Variants in OXNAD1 observed in about 807,000 individuals in gnomAD.
The protein encoded by OXNAD1 is oxidoreductase NAD binding domain containing 1.
In OXNAD1, 34 loss-of-function variants were observed where a neutral mutation model predicts 32.9. The observed-to-expected ratio is 1.03, with a 90% confidence interval of 0.79 to 1.38. The LOEUF (loss-of-function observed/expected upper bound fraction) is 1.38, where lower values mean the gene tolerates loss of function less well. OXNAD1 is among the 40% of genes most tolerant of loss of function. OXNAD1 has a pLI of 0.00. For missense variants in OXNAD1, 407 were observed against 379.4 expected, an observed-to-expected ratio of 1.07 and a Z score of -0.60; for synonymous variants, 134 against 135.2, an observed-to-expected ratio of 0.99 and a Z score of 0.06.
At chr3:16,310,921 T>TG (rs1353980541), downstream of OXNAD1, among the ~76,000 whole-genome samples, 1 of 133,684 alleles carries the variant, frequency 7.5e-6, no homozygotes, top group African/African-American at 2.9e-5. Flanking sequence ...ACCTGGGAGG[T>TG]GGAGGTTGTG....
In OXNAD1 at chr3:16,277,740, G is replaced by GA. The variant is rs531586825; in HGVS notation, c.183+6021dup. On this transcript the variant is annotated intron_variant, in intron 4 of 8. Coordinates refer to ENST00000285083, the MANE Select transcript of OXNAD1 (RefSeq NM_138381.5). The surrounding 1 kb of genome is among the most constrained non-coding windows in gnomAD (Gnocchi z 4.3). Reference sequence around the variant, plus strand: ...TGGTTTTGGGCATGTATTTCCTCTGGAAAGTTTACTGAATGACCATTTATG... The same window carrying GA: ...TGGTTTTGGGCATGTATTTCCTCTGGAAAAGTTTACTGAATGACCATTTATG... Among the ~76,000 whole-genome samples, 16 of 152,310 alleles carry GA rather than the reference G, an allele frequency of 1.1e-4. No individual in the cohort carries two copies. The South Asian group carries it at 3.1e-3, about 30-fold the overall frequency.
At chr3:16,340,908 C>A (rs1411668798), downstream of OXNAD1, among the ~76,000 whole-genome samples, 1 of 152,176 alleles carries the variant, frequency 6.6e-6, no homozygotes, top group Non-Finnish European at 1.5e-5. Context: ...AAAGCCATAT[C>A]TGATAAAGGA....
Position 16,312,288 on chromosome 3 carries a change from C to G in OXNAD1, c.*30+8696C>G, listed in dbSNP as rs778330199. Reference sequence around the variant, plus strand: ...GAGCCAGGTACAGGAAACCCAGCCTCTCCTGGGAAGCTGCATCAGTGGTTT... The same window carrying G: ...GAGCCAGGTACAGGAAACCCAGCCTGTCCTGGGAAGCTGCATCAGTGGTTT... On this transcript the variant is annotated intron_variant, in intron 9 of 9. Coordinates refer to the OXNAD1 transcript ENST00000435829. This position sits in a 1 kb window ranked among gnomAD's most constrained non-coding sequence, Gnocchi z 4.7. Among the ~76,000 whole-genome samples the G allele has an allele frequency of 2.6e-5, 4 of 152,216 alleles. No individual in the cohort carries two copies. Among genetic ancestry groups the G allele is most frequent in the Non-Finnish European group, 5.9e-5 (4 of 68,046 alleles).
chr3:16,301,304 C>T lies in OXNAD1; in HGVS notation c.433-322C>T, dbSNP rs2067163948. Among the ~76,000 whole-genome samples, 1 of 152,180 alleles carries T rather than the reference C, an allele frequency of 6.6e-6. No homozygotes were observed. Among genetic ancestry groups the T allele is most frequent in the Non-Finnish European group, 1.5e-5 (1 of 68,036 alleles). ...GGAGACCCATACTTCAGAGCTGTAC[C>T]CTGCCTTTGAGTCCATTGCCTCTTT... On this transcript the variant is annotated intron_variant, in intron 6 of 8. Transcript: ENST00000285083. This position sits in a 1 kb window ranked among gnomAD's most constrained non-coding sequence, Gnocchi z 4.1.
chr3:16,338,349 C>T (rs1311433322), downstream of OXNAD1, among the ~76,000 whole-genome samples: 1 of 152,212 alleles, frequency 6.6e-6, no homozygotes, highest in Non-Finnish European at 1.5e-5. This position sits in a 1 kb window ranked among gnomAD's most constrained non-coding sequence, Gnocchi z 5.3. Context: ...GGCTAAGGGG[C>T]GATGGCTGGG....
intron 9 of OXNAD1, among the ~76,000 whole-genome samples, chr3:16,343,533 G>GTC (rs1223156784): frequency 6.6e-6 from 1 of 152,170 alleles, no homozygotes; most frequent in East Asian, 1.9e-4. Context: ...GTACCCTAGA[G>GTC]TCTGCTGATG....
intron 9 of OXNAD1, chr3:16,326,643 GGA>G (rs2069723950): frequency 5.9e-6 from 4 of 679,572 alleles, no homozygotes; most frequent in South Asian, 1.9e-5. Flanking sequence ...CTTCCCAGTG[GGA>G]GAGTTTACAT....
chr3:16,266,693 GAGT>G (rs2064540321), intron 1 of OXNAD1, among the ~76,000 whole-genome samples: 1 of 151,882 alleles, frequency 6.6e-6, no homozygotes, highest in African/African-American at 2.4e-5. Context: ...AGGCCAGAAG[GAGT>G]TGTTTATTGG....
chr3:16,268,989 AG>A, intron 1 of OXNAD1, 136 bp from the exon 2 acceptor site: 2 of 566,738 alleles, frequency 3.5e-6, no homozygotes, highest in South Asian at 5.8e-5. Context: ...ATGGATGGAG[AG>A]GGGGTAATTG....
At chr3:16,323,468 C>G (rs372312509) in intron 9 of OXNAD1, 7 of 1,606,050 alleles carry the variant, frequency 4.4e-6, no homozygotes, top group Admixed American at 3.3e-5. Flanking sequence ...CTGTAACACA[C>G]GGAGCTGAGA....
rs769881694 is a variant in OXNAD1 at position 16,316,956 on chromosome 3, G to A, written c.*30+13364G>A. The A allele has an allele frequency of 5.0e-6, 8 of 1,613,842 alleles. No homozygotes were observed. The highest frequency in any genetic ancestry group is 1.3e-5 in the African/African-American group (1 of 74,840). Reference sequence around the variant, plus strand: ...CTGCTGTGGCTGGCAGGACCATTCTGCACAGCCTCACCCTCCACACCCACC... The same window carrying A: ...CTGCTGTGGCTGGCAGGACCATTCTACACAGCCTCACCCTCCACACCCACC... On this transcript the variant is annotated intron_variant, in intron 9 of 9. Coordinates refer to the OXNAD1 transcript ENST00000435829. This position sits in a 1 kb window ranked among gnomAD's most constrained non-coding sequence, Gnocchi z 4.5.
chr3:16,293,994 G>C lies in OXNAD1; in HGVS notation c.291-862G>C, dbSNP rs562142688. On this transcript the variant is annotated intron_variant, in intron 5 of 8. Coordinates refer to ENST00000285083, the MANE Select transcript of OXNAD1 (RefSeq NM_138381.5). ...GATGTTAAACCAACCTTGTATTCCT[G>C]GAATTTTTGTACCTAAATTCAGAAG... 1.4e-4 allele frequency among the ~76,000 whole-genome samples: 21 copies of C among 152,086 alleles called. No homozygotes were observed. In the East Asian group the frequency reaches 4.1e-3, roughly 29 times the overall value.
At chr3:16,267,721 T>C (rs2064632275) in intron 1 of OXNAD1, among the ~76,000 whole-genome samples, 1 of 152,242 alleles carries the variant, frequency 6.6e-6, no homozygotes, top group African/African-American at 2.4e-5. Flanking sequence ...GTTATTTGTT[T>C]ACTACTATCT....
In OXNAD1 at chr3:16,345,815, TGTGCGCGCGCGCGTGCGC is replaced by T. The variant is rs1353639834; in HGVS notation, c.*31-3359_*31-3342del. Among the ~76,000 whole-genome samples, 16 of 82,394 alleles carry T rather than the reference TGTGCGCGCGCGCGTGCGC, an allele frequency of 1.9e-4. No homozygotes were observed. The highest frequency in any genetic ancestry group is 3.2e-4 in the Non-Finnish European group (14 of 43,140). The allele number at this position is 82,394 out of a possible 152,430, so 54.1% of individuals were successfully genotyped here. A position where few individuals can be genotyped will look rare whatever the true frequency, so the allele number is the denominator to read the frequency against. The stretch of plus-strand genomic sequence containing the variant: ...GTGTGTGTGTGTGTGTGTGTGTGTG[TGTGCGCGCGCGCGTGCGC>T]GCACGCGCACATGTGCATGTGTATG... On this transcript the variant is annotated intron_variant, in intron 9 of 9. Transcript: ENST00000606098. This position sits in a 1 kb window ranked among gnomAD's most constrained non-coding sequence, Gnocchi z 5.2.
chr3:16,311,042 G>A (rs188841727), downstream of OXNAD1, among the ~76,000 whole-genome samples: 303 of 144,998 alleles, frequency 2.1e-3, 1 homozygote, highest in African/African-American at 7.4e-3. Context: ...CACTCTGCCC[G>A]TCAGAACCAA....
chr3:16,272,090 CTT>C (rs763494963), intron 4 of OXNAD1: 13,422 of 353,404 alleles, frequency 0.038, no homozygotes, highest in South Asian at 0.056. Flanking sequence ...TGTGTGGGGT[CTT>C]TTTTTTTTTT....
At chr3:16,313,205 A>ATTTGTTTTTTTTTTTTTTTT (rs2068093798) in intron 9 of OXNAD1, among the ~76,000 whole-genome samples, 1 of 103,806 alleles carries the variant, frequency 9.6e-6, no homozygotes, top group African/African-American at 4.4e-5. Context: ...CACCCAGCGG[A>ATTTGTTTTTTTTTTTTTTTT]TTTTTTTTTT....
Position 16,334,548 on chromosome 3 carries a change from C to T in OXNAD1, c.*31-2564C>T, listed in dbSNP as rs1025075290. Among the ~76,000 whole-genome samples, 3 of 152,174 alleles carry T rather than the reference C, an allele frequency of 2.0e-5. No individual in the cohort carries two copies. Among genetic ancestry groups the T allele is most frequent in the African/African-American group, 7.2e-5 (3 of 41,446 alleles). On this transcript the variant is annotated intron_variant, in intron 9 of 9. Coordinates refer to the OXNAD1 transcript ENST00000435829. This position sits in a 1 kb window ranked among gnomAD's most constrained non-coding sequence, Gnocchi z 4.3. Reference sequence around the variant, plus strand: ...TATTTAACATTATGTTTCACCCAGACAACAGCTCAGAGAACTGGGCAATGG... The same window carrying T: ...TATTTAACATTATGTTTCACCCAGATAACAGCTCAGAGAACTGGGCAATGG...
chr3:16,322,569 G>A lies in OXNAD1; in HGVS notation c.*31-14543G>A, dbSNP rs1364159154. 1.3e-5 allele frequency among the ~76,000 whole-genome samples: 2 copies of A among 152,294 alleles called. No homozygotes were observed. Among genetic ancestry groups the A allele is most frequent in the South Asian group, 2.1e-4 (1 of 4,824 alleles). ...GACTCAGGCTTTGGTGTGTCCACTC[G>A]ACTCACTGGCCTCTTCCCCAGCAAC... is the stretch of plus-strand genomic sequence containing the variant. On this transcript the variant is annotated intron_variant, in intron 9 of 9. Transcript: ENST00000435829. This position sits in a 1 kb window ranked among gnomAD's most constrained non-coding sequence, Gnocchi z 6.2.
Sources: gnomAD v4.1 joint callset for allele counts (sites outside exome capture counted in the v4.1 genomes callset) on GRCh38, gnomAD v4.1.1 for gene constraint, Gnocchi (gnomAD v3.1) non-coding constraint, MANE v1.5 for transcripts, NCBI Gene and HGNC (gene_info 2026-07-23, HGNC 2026-07-21) for gene names.